The following TMC1 variants were observed in gnomAD, a reference collection of about 807,000 sequenced individuals.
TMC1 encodes the protein transmembrane channel-like protein 1.
A neutral mutation model predicts 105.8 loss-of-function variants in TMC1; 84 were observed. That is an observed-to-expected ratio of 0.79 (90% CI 0.67 to 0.95). The LOEUF (loss-of-function observed/expected upper bound fraction) is 0.95, where lower values mean the gene tolerates loss of function less well. Among genes scored for constraint, TMC1 ranks in the 40% least tolerant of loss-of-function variants. The pLI, the probability that TMC1 is intolerant of heterozygous loss-of-function variation, is 0.00. For synonymous variants in TMC1, 315 were observed against 311.5 expected (o/e 1.01, Z -0.12); for missense variants, 817 against 914.1 (o/e 0.89, Z 1.37).
At chr9:72,587,374 T>C (rs1420441102) in intron 2 of TMC1, among the ~76,000 whole-genome samples, 1 of 152,144 alleles carries the variant, frequency 6.6e-6, no homozygotes, top group Non-Finnish European at 1.5e-5. Context: ...GCCGGGCTGG[T>C]CTTGAACTCC....
At chr9:72,562,342 T>G (rs1824070830) in intron 1 of TMC1, among the ~76,000 whole-genome samples, 1 of 152,242 alleles carries the variant, frequency 6.6e-6, no homozygotes, top group Non-Finnish European at 1.5e-5. Flanking sequence ...ATATGATCTG[T>G]TCAACCTCCT....
intron 2 of TMC1, among the ~76,000 whole-genome samples, chr9:72,599,139 TCATG>T (rs1241983460): frequency 1.3e-5 from 2 of 152,198 alleles, no homozygotes; most frequent in African/African-American, 4.8e-5. Context: ...CAAGCGATTC[TCATG>T]CCTCAGTCTC....
intron 10 of TMC1, among the ~76,000 whole-genome samples, chr9:72,751,418 G>A (rs1331209194): frequency 6.6e-6 from 1 of 152,200 alleles, no homozygotes; most frequent in Non-Finnish European, 1.5e-5. Context: ...CCTGAGAAAA[G>A]GAAGAGAAAA....
intron 4 of TMC1, among the ~76,000 whole-genome samples, chr9:72,643,311 T>C (rs1299326987): frequency 6.6e-6 from 1 of 152,194 alleles, no homozygotes; most frequent in Non-Finnish European, 1.5e-5. Context: ...AAAACTCATA[T>C]ACATTCACAT....
chr9:72,548,962 A>C (rs1156354729), intron 1 of TMC1, among the ~76,000 whole-genome samples: 1 of 152,254 alleles, frequency 6.6e-6, no homozygotes, highest in Non-Finnish European at 1.5e-5. Flanking sequence ...CATCCCCTCT[A>C]TCCACCTATA....
chr9:72,559,448 C>T (rs989360375), intron 1 of TMC1, among the ~76,000 whole-genome samples: 2 of 151,966 alleles, frequency 1.3e-5, no homozygotes, highest in South Asian at 2.1e-4. Flanking sequence ...TAGGCCCCCA[C>T]CGATGCCCAT....
At chr9:72,544,441 C>T (rs1442209008) in intron 1 of TMC1, among the ~76,000 whole-genome samples, 1 of 151,142 alleles carries the variant, frequency 6.6e-6, no homozygotes. Flanking sequence ...TCCAGGTGGA[C>T]TGATCTTAGC....
At chr9:72,538,048 C>T (rs753805816) in intron 1 of TMC1, among the ~76,000 whole-genome samples, 33 of 151,304 alleles carry the variant, frequency 2.2e-4, no homozygotes, top group Admixed American at 3.3e-4. Flanking sequence ...CCTTGCTACT[C>T]GAGAGACTGG....
chr9:72,687,813 T>C (rs2793153), intron 5 of TMC1, among the ~76,000 whole-genome samples: 77,861 of 151,940 alleles, frequency 0.51, 21,279 homozygotes, highest in African/African-American at 0.73. Flanking sequence ...TGGAAAAATG[T>C]CATTCCACCT....
At chr9:72,727,148 C>T (rs1459715621) in intron 8 of TMC1, among the ~76,000 whole-genome samples, 1 of 152,096 alleles carries the variant, frequency 6.6e-6, no homozygotes, top group Non-Finnish European at 1.5e-5. Context: ...CCTGGAATGC[C>T]CTCTCTGCCT....
chr9:72,680,002 CG>C (rs1564486833), intron 5 of TMC1, among the ~76,000 whole-genome samples: 1 of 151,780 alleles, frequency 6.6e-6, no homozygotes, highest in Non-Finnish European at 1.5e-5. Flanking sequence ...TATACAAAGA[CG>C]GGGGCAGAAA....
chr9:72,677,289 A>G (rs558329010), intron 5 of TMC1, among the ~76,000 whole-genome samples: 1 of 152,250 alleles, frequency 6.6e-6, no homozygotes, highest in East Asian at 1.9e-4. Context: ...GTCCCAGCTC[A>G]GAGACCTTTA....
At chr9:72,738,415 C>A (rs1397755968) in intron 8 of TMC1, among the ~76,000 whole-genome samples, 2 of 148,772 alleles carry the variant, frequency 1.3e-5, no homozygotes, top group Non-Finnish European at 3.0e-5. Context: ...CCCACTGACC[C>A]TTCTTTTTTT....
chr9:72,571,603 T>G (rs1824287066), intron 1 of TMC1, among the ~76,000 whole-genome samples: 1 of 150,968 alleles, frequency 6.6e-6, no homozygotes, highest in Non-Finnish European at 1.5e-5. Context: ...TACACCGCCA[T>G]GCCCAGCTAA....
intron 5 of TMC1, among the ~76,000 whole-genome samples, chr9:72,669,730 T>C (rs1826099646): frequency 6.6e-6 from 1 of 152,036 alleles, no homozygotes. Context: ...AAAGAACTTA[T>C]CTTAGAGACC....
At chr9:72,694,377 G>T (rs1325435977) in intron 6 of TMC1, among the ~76,000 whole-genome samples, 166 bp from the exon 7 acceptor site, 1 of 152,212 alleles carries the variant, frequency 6.6e-6, no homozygotes, top group Non-Finnish European at 1.5e-5. Context: ...TTATTTAAAT[G>T]ATGGGCTATG....
Position 72,788,489 on chromosome 9 carries a change from G to A in TMC1, c.1029+6G>A. On this transcript the variant is annotated splice_donor_region_variant and intron_variant, in intron 14 of 23. Coordinates refer to ENST00000297784, the MANE Select transcript of TMC1 (RefSeq NM_138691.3). ...CTATCACAATGAACTTTAAGGTAGAGGCACCAACTTCAAAAACCTGCTGTT... is the reference window on the plus strand; with the variant it reads ...CTATCACAATGAACTTTAAGGTAGAAGCACCAACTTCAAAAACCTGCTGTT... The A allele has an allele frequency of 6.2e-7, 1 of 1,613,938 alleles. No homozygotes were observed. The highest frequency in any genetic ancestry group is 8.5e-7 in the Non-Finnish European group (1 of 1,179,852).
chr9:72,662,956 G>T (rs376340267), intron 5 of TMC1, among the ~76,000 whole-genome samples: 1 of 152,218 alleles, frequency 6.6e-6, no homozygotes. Flanking sequence ...CACCCAAGGG[G>T]TTCATTTTGC....
chr9:72,627,468 C>A (rs1036605522), intron 3 of TMC1, among the ~76,000 whole-genome samples: 18 of 152,282 alleles, frequency 1.2e-4, no homozygotes, highest in African/African-American at 4.1e-4. Flanking sequence ...CCTCATTTGG[C>A]TCCTCTAATC....
Sources: gnomAD v4.1 joint callset for allele counts (sites outside exome capture counted in the v4.1 genomes callset) on GRCh38, gnomAD v4.1.1 for gene constraint, MANE v1.5 for transcripts, NCBI Gene and HGNC (gene_info 2026-07-23, HGNC 2026-07-21) for gene names.